COL4A6: variants seen among roughly 807,000 people sequenced by gnomAD.
COL4A6 encodes the protein collagen alpha-6(IV) chain.
Under a neutral mutation model 126.7 loss-of-function variants are expected in COL4A6, and 59 were observed. The observed-to-expected ratio is 0.47, with a 90% CI of 0.38 to 0.58. The LOEUF is 0.58. Ranked by LOEUF, COL4A6 falls within the 20% of genes least tolerant of loss-of-function variation. The pLI is 0.00. For synonymous variants in COL4A6, 547 were observed against 496.6 expected, an observed-to-expected ratio of 1.10 and a Z score of -1.35; for missense variants, 1,285 against 1,337.3, an observed-to-expected ratio of 0.96 and a Z score of 0.61.
At chrX:108,438,702 G>A (rs2064320893), upstream of COL4A6, among the ~76,000 whole-genome samples, 1 of 112,987 alleles carries the variant, frequency 8.9e-6, no homozygotes, top group Non-Finnish European at 1.9e-5. Flanking sequence ...GGGCCCGAAA[G>A]TGCCCTTGCA....
rs745378132 is a variant in COL4A6 at position 108,175,665 on chromosome X, G to A, written c.2819C>T (p.Pro940Leu). 4 of 1,202,429 alleles carry A rather than the reference G, an allele frequency of 3.3e-6. No individual in the cohort carries two copies. Among genetic ancestry groups the A allele is most frequent in the Non-Finnish European group, 1.1e-6 (1 of 891,787 alleles). The change falls in exon 29 of 45, where the codon CCT (proline) becomes CTT (leucine). Residue 940 changes from proline to leucine, a missense_variant. Transcript: ENST00000334504. ...ATTCCCCAGCTCACCCTTTTCACCA[G>A]GAGTACCAGCACGTCCAGATGGTCC... is the stretch of plus-strand genomic sequence containing the variant. ...KMGPSGRAGT[P>L]GEKGDRGNPG...
At chrX:108,359,925 G>C (rs761853741) in intron 2 of COL4A6, among the ~76,000 whole-genome samples, 26 of 112,237 alleles carry the variant, frequency 2.3e-4, no homozygotes, top group Non-Finnish European at 2.3e-4. Flanking sequence ...ATGTGATCCA[G>C]AATGGCTATA....
At chrX:108,229,385 C>T (rs2036249434) in intron 3 of COL4A6, among the ~76,000 whole-genome samples, 2 of 112,169 alleles carry the variant, frequency 1.8e-5, no homozygotes, top group African/African-American at 6.5e-5. Context: ...ATTATGAAGA[C>T]TAAGTAAGAA....
chrX:108,314,684 T>C (rs2038840442), intron 2 of COL4A6, among the ~76,000 whole-genome samples: 1 of 112,316 alleles, frequency 8.9e-6, no homozygotes, highest in South Asian at 3.7e-4. Context: ...ATATAAGTTC[T>C]GGAGTCAGTC....
intron 3 of COL4A6, among the ~76,000 whole-genome samples, chrX:108,281,728 C>T (rs1481929984): frequency 9.0e-5 from 10 of 110,502 alleles, no homozygotes; most frequent in Non-Finnish European, 1.9e-4. Context: ...AGGCATCACG[C>T]TACCTGACTT....
intron 3 of COL4A6, among the ~76,000 whole-genome samples, chrX:108,241,875 A>G (rs1268734617): frequency 9.0e-6 from 1 of 110,637 alleles, no homozygotes; most frequent in East Asian, 2.8e-4. Context: ...CCCTAACCCC[A>G]TCACCTGGTT....
In COL4A6 at chrX:108,303,571, C is replaced by A. The variant is rs1423443577; in HGVS notation, c.144+7177G>T. ...CATGGCTCCTCTCATCAGAGAGGCACATGAGATTTATACAAGCAATGCAAG... is the reference window on the plus strand; with the variant it reads ...CATGGCTCCTCTCATCAGAGAGGCAAATGAGATTTATACAAGCAATGCAAG... On this transcript the variant is annotated intron_variant, in intron 3 of 44. Coordinates refer to ENST00000334504, the MANE Select transcript of COL4A6 (RefSeq NM_033641.4). Among the ~76,000 whole-genome samples, 3 of 111,809 alleles carry A rather than the reference C, an allele frequency of 2.7e-5. No individual in the cohort carries two copies. In the East Asian group the frequency reaches 8.5e-4, roughly 32 times the overall value.
In COL4A6 at chrX:108,317,085, G is replaced by A. The variant is rs192911602; in HGVS notation, c.64-6257C>T. 1.1e-4 allele frequency among the ~76,000 whole-genome samples: 12 copies of A among 112,604 alleles called. No homozygotes were observed. The East Asian group carries it at 2.0e-3, about 18-fold the overall frequency. On this transcript the variant is annotated intron_variant, in intron 2 of 44. Coordinates refer to ENST00000334504, the MANE Select transcript of COL4A6 (RefSeq NM_033641.4). ...AAAGGCCACCTAGGAGGCTGTTGCG[G>A]TAGTTCAGCAGGATGATGGATGTTT...
rs1159906839 is a variant in COL4A6, at chrX:108,182,933, GA to G, written c.1952-1966del. 3.6e-5 allele frequency among the ~76,000 whole-genome samples: 4 copies of G among 112,540 alleles called. No individual in the cohort carries two copies. In the South Asian group the frequency reaches 1.1e-3, roughly 31 times the overall value. ...AACAAAGCCTTTAGAATATGAAGCT[GA>G]GGACAGGCATCCAGAAAGGTTCCGG... On this transcript the variant is annotated intron_variant, in intron 23 of 44. Transcript: ENST00000334504.
intron 2 of COL4A6, among the ~76,000 whole-genome samples, chrX:108,419,945 C>A (rs899367509): frequency 8.9e-6 from 1 of 111,967 alleles, no homozygotes; most frequent in Admixed American, 9.5e-5. Flanking sequence ...CAAAAATTAA[C>A]AAATTGACAA....
At chrX:108,299,556 G>A (rs2038428384) in intron 3 of COL4A6, among the ~76,000 whole-genome samples, 1 of 111,626 alleles carries the variant, frequency 9.0e-6, no homozygotes, top group Non-Finnish European at 1.9e-5. Context: ...AGCAATCACT[G>A]ACTCGTGTCA....
chrX:108,364,310 T>A (rs1024842570), intron 2 of COL4A6, among the ~76,000 whole-genome samples: 3 of 110,717 alleles, frequency 2.7e-5, no homozygotes, highest in African/African-American at 9.9e-5. Flanking sequence ...ATAATAGATC[T>A]GAAAATCACC....
At chrX:108,296,912 A>C (rs976247878) in intron 3 of COL4A6, among the ~76,000 whole-genome samples, 1 of 111,859 alleles carries the variant, frequency 8.9e-6, no homozygotes, top group Admixed American at 9.5e-5. Context: ...AAAGTTTTTC[A>C]AAAAAGAGAG....
At chrX:108,409,429 T>C (rs780083485) in intron 2 of COL4A6, among the ~76,000 whole-genome samples, 3 of 112,415 alleles carry the variant, frequency 2.7e-5, no homozygotes, top group African/African-American at 9.7e-5. Flanking sequence ...ACTACTATGC[T>C]AAGTGATTTA....
rs2038733183 is a variant in COL4A6, at chrX:108,310,403, T to C, written c.144+345A>G. Among the ~76,000 whole-genome samples the C allele has an allele frequency of 4.5e-5, 5 of 112,015 alleles. No homozygotes were observed. In the South Asian group the frequency reaches 1.9e-3, roughly 42 times the overall value. ...CAATTGGAACACCTGTTCCCCAGAC[T>C]GGGAGGGAAGAATCAAGTGAGCTAT... On this transcript the variant is annotated intron_variant, in intron 3 of 44. Coordinates refer to ENST00000334504, the MANE Select transcript of COL4A6 (RefSeq NM_033641.4).
chrX:108,297,888 C>T (rs1234273433), intron 3 of COL4A6, among the ~76,000 whole-genome samples: 3 of 109,647 alleles, frequency 2.7e-5, no homozygotes, highest in African/African-American at 1.0e-4. Flanking sequence ...CCTTCCCTCC[C>T]CTCTCCTGTC....
At chrX:108,183,738 G>C (rs1413358980) in intron 23 of COL4A6, 1 of 880,120 alleles carries the variant, frequency 1.1e-6, no homozygotes, top group African/African-American at 2.8e-5. Context: ...CTGTGTCTAA[G>C]TCTCCTTTAC....
upstream of COL4A6, chrX:108,439,375 CT>C: frequency 1.2e-6 from 1 of 809,925 alleles, no homozygotes; most frequent in Non-Finnish European, 1.8e-6. Flanking sequence ...TAAGCATATA[CT>C]TTATTTATTC....
At chrX:108,438,063 C>T in intron 1 of COL4A6, 70 bp from the exon 2 acceptor site, 3 of 1,198,658 alleles carry the variant, frequency 2.5e-6, no homozygotes, top group Non-Finnish European at 3.4e-6. Context: ...TGTCGCCCCC[C>T]GAACCCTTTT....
Sources: allele counts gnomAD v4.1 joint callset (sites outside exome capture counted in the v4.1 genomes callset), GRCh38; gene constraint gnomAD v4.1.1; transcripts MANE v1.5; gene names NCBI Gene and HGNC (gene_info 2026-07-23, HGNC 2026-07-21).